Variants in LDB2 observed in about 807,000 individuals in gnomAD.
The protein encoded by LDB2 is LIM domain binding 2, also known as LIM domain-binding protein 2.
LDB2 carries 12 observed loss-of-function variants against 44.3 expected under a neutral mutation model. The observed-to-expected ratio is 0.27, with a 90% CI of 0.17 to 0.44. The LOEUF (loss-of-function observed/expected upper bound fraction) is 0.44, where lower values mean the gene tolerates loss of function less well. Ranked by LOEUF, LDB2 falls within the 20% of genes least tolerant of loss-of-function variation. The probability of loss-of-function intolerance (pLI) is 1.00; values close to 1 mark genes in which losing one functional copy is unlikely to be tolerated. For synonymous variants in LDB2, 164 were observed against 174.8 expected (o/e 0.94, Z 0.49); for missense variants, 344 against 473.5 (o/e 0.73, Z 2.54).
chr4:16,564,497 C>T (rs534327674), intron 5 of LDB2, among the ~76,000 whole-genome samples: 2 of 152,240 alleles, frequency 1.3e-5, no homozygotes, highest in African/African-American at 2.4e-5. Context: ...GCCTGCTCTA[C>T]AAGCTAAAAT....
intron 7 of LDB2, among the ~76,000 whole-genome samples, chr4:16,505,062 C>A (rs986495562): frequency 2.0e-5 from 3 of 152,136 alleles, no homozygotes; most frequent in African/African-American, 4.8e-5. Flanking sequence ...AAGCAGCCAA[C>A]TTAAGCATGA....
At chr4:16,897,924 ATATATATATATATACACATATG>A (rs1450697717) in intron 1 of LDB2, among the ~76,000 whole-genome samples, 3 of 17,954 alleles carry the variant, frequency 1.7e-4, no homozygotes, top group African/African-American at 7.5e-4. Context: ...ATATATATAT[ATATATATATATATACACATATG>A]TATATATATA....
intron 1 of LDB2, among the ~76,000 whole-genome samples, chr4:16,853,553 C>T (rs988282876): frequency 2.0e-5 from 3 of 152,086 alleles, no homozygotes; most frequent in Admixed American, 6.6e-5. Context: ...ACAGCCATTA[C>T]GGAAAACAGG....
At chr4:16,569,503 C>A (rs1271511516) in intron 5 of LDB2, among the ~76,000 whole-genome samples, 1 of 152,150 alleles carries the variant, frequency 6.6e-6, no homozygotes, top group African/African-American at 2.4e-5. Context: ...TAAGTAGTAT[C>A]AAATAGGGAG....
chr4:16,541,195 G>T (rs1010955884), intron 5 of LDB2, among the ~76,000 whole-genome samples: 1 of 152,102 alleles, frequency 6.6e-6, no homozygotes, highest in Non-Finnish European at 1.5e-5. Flanking sequence ...GGGTGTGGTG[G>T]GAGGTGACTG....
chr4:16,655,992 CG>C (rs1312246827), intron 2 of LDB2, among the ~76,000 whole-genome samples: 2 of 150,032 alleles, frequency 1.3e-5, no homozygotes, highest in African/African-American at 4.9e-5. Context: ...CTCCACCTCC[CG>C]GGTTCACGCC....
At chr4:16,561,976 C>T (rs1742505833) in intron 5 of LDB2, among the ~76,000 whole-genome samples, 1 of 152,120 alleles carries the variant, frequency 6.6e-6, no homozygotes, top group South Asian at 2.1e-4. Context: ...GGAAAGGATT[C>T]CCTATTTAAT....
intron 1 of LDB2, among the ~76,000 whole-genome samples, chr4:16,777,697 C>G (rs1482863742): frequency 6.6e-6 from 1 of 152,108 alleles, no homozygotes; most frequent in Non-Finnish European, 1.5e-5. Context: ...AATTCCTTCT[C>G]TCTTCTGGCC....
intron 2 of LDB2, among the ~76,000 whole-genome samples, chr4:16,664,239 T>C (rs1012191142): frequency 6.6e-6 from 1 of 152,174 alleles, no homozygotes; most frequent in Non-Finnish European, 1.5e-5. Flanking sequence ...TCTTCCACCA[T>C]GTAGAGACAC....
At chr4:16,841,417 C>G (rs1785867130) in intron 1 of LDB2, among the ~76,000 whole-genome samples, 1 of 152,162 alleles carries the variant, frequency 6.6e-6, no homozygotes, top group Admixed American at 6.5e-5. Context: ...ACATTTCCCA[C>G]CTGGTAAAAC....
chr4:16,615,273 A>G (rs1217905404), intron 2 of LDB2, among the ~76,000 whole-genome samples: 1 of 152,178 alleles, frequency 6.6e-6, no homozygotes, highest in Admixed American at 6.5e-5. Context: ...CTAATGGAAT[A>G]TAAATCATTC....
At chr4:16,616,147 A>G (rs1187898534) in intron 2 of LDB2, among the ~76,000 whole-genome samples, 1 of 152,176 alleles carries the variant, frequency 6.6e-6, no homozygotes, top group African/African-American at 2.4e-5. Flanking sequence ...CCACAAGAAT[A>G]CAAGCTCCAG....
At chr4:16,805,068 G>A (rs1778523056) in intron 1 of LDB2, among the ~76,000 whole-genome samples, 2 of 151,562 alleles carry the variant, frequency 1.3e-5, no homozygotes, top group Non-Finnish European at 2.9e-5. Flanking sequence ...GAGAGAGAGA[G>A]GAAGAGAAAG....
At chr4:16,527,544 A>G (rs1258250945) in intron 5 of LDB2, among the ~76,000 whole-genome samples, 3 of 152,258 alleles carry the variant, frequency 2.0e-5, no homozygotes, top group African/African-American at 7.2e-5. Context: ...AACTAAAAGT[A>G]GAACCACCAT....
intron 2 of LDB2, among the ~76,000 whole-genome samples, chr4:16,722,863 C>T (rs75869124): frequency 0.018 from 2,805 of 152,248 alleles, 34 homozygotes; most frequent in Non-Finnish European, 0.027. Flanking sequence ...CAGTCCTCAC[C>T]TTATGATGGT....
chr4:16,800,625 A>G (rs1212224837), intron 1 of LDB2, among the ~76,000 whole-genome samples: 1 of 152,248 alleles, frequency 6.6e-6, no homozygotes, highest in Non-Finnish European at 1.5e-5. Flanking sequence ...ATAGGGAGTC[A>G]TATAAAATGA....
At chr4:16,584,507 A>T (rs1716004920) in intron 5 of LDB2, among the ~76,000 whole-genome samples, 1 of 152,208 alleles carries the variant, frequency 6.6e-6, no homozygotes, top group Admixed American at 6.5e-5. Context: ...TCGGTGCCTC[A>T]CTTTGCTACA....
At chr4:16,849,057 C>T (rs180729360) in intron 1 of LDB2, among the ~76,000 whole-genome samples, 21 of 152,236 alleles carry the variant, frequency 1.4e-4, no homozygotes, top group Admixed American at 4.6e-4. Context: ...TTCCTTTCCC[C>T]GATCTACAAA....
chr4:16,817,693 G>A (rs1243298168), intron 1 of LDB2, among the ~76,000 whole-genome samples: 1 of 152,134 alleles, frequency 6.6e-6, no homozygotes, highest in African/African-American at 2.4e-5. Context: ...TACCAGTATT[G>A]ACTTTCTTTA....
Sources: gnomAD v4.1 joint callset for allele counts (sites outside exome capture counted in the v4.1 genomes callset) on GRCh38, gnomAD v4.1.1 for gene constraint, MANE v1.5 for transcripts, NCBI Gene and HGNC (gene_info 2026-07-23, HGNC 2026-07-21) for gene names.